Variants in SORL1 observed in about 807,000 individuals in gnomAD.
SORL1 encodes sortilin related receptor 1, also known as sortilin-related receptor.
SORL1 carries 127 observed loss-of-function variants against 273.7 expected under a neutral mutation model. That is an observed-to-expected ratio of 0.46 (90% confidence interval 0.40 to 0.54). The LOEUF is 0.54. Among genes scored for constraint, SORL1 ranks in the 20% least tolerant of loss-of-function variants. The pLI is 0.00. For synonymous variants in SORL1, 1,031 were observed against 1,067.4 expected (o/e 0.97, Z 0.66); for missense variants, 2,494 against 2,846.1 (o/e 0.88, Z 2.81).
At position 121,632,649 on chromosome 11, in the gene SORL1, C is replaced by T; in HGVS notation, c.*3086C>T. 1 of 151,866 alleles carries T rather than the reference C, an allele frequency of 6.6e-6. No homozygotes were observed. Among genetic ancestry groups the T allele is most frequent in the Non-Finnish European group, 1.5e-5 (1 of 68,008 alleles). 9.4% of individuals were successfully genotyped at this position (151,866 alleles called of 1,614,324 possible). On this transcript the variant is annotated 3_prime_UTR_variant, in exon 48 of 48. Coordinates refer to ENST00000260197, the MANE Select transcript of SORL1 (RefSeq NM_003105.6). ...GGAATGTAACCCTTCTCAGAACTGG[C>T]CATTTTCAGGGGAAGCTTGGGAGAG...
chr11:121,541,966 C>T (rs942585267), intron 12 of SORL1, among the ~76,000 whole-genome samples: 3 of 152,156 alleles, frequency 2.0e-5, no homozygotes, highest in African/African-American at 7.2e-5. Context: ...TCTAAGACCA[C>T]GGGAAAGTTG....
At chr11:121,492,362 A>G (rs150089399) in intron 5 of SORL1, among the ~76,000 whole-genome samples, 1 of 152,044 alleles carries the variant, frequency 6.6e-6, no homozygotes, top group South Asian at 2.1e-4. Context: ...CACTGTCTCA[A>G]TAAATAAATA....
Position 121,596,049 on chromosome 11 carries a change from G to T in SORL1, c.4519+277G>T, listed in dbSNP as rs1296687341. ...TGACTAAGATAAATATTTTAAATAGGTTTCATAAGCATGTTTAACTCTTTA... is the reference window on the plus strand; with the variant it reads ...TGACTAAGATAAATATTTTAAATAGTTTTCATAAGCATGTTTAACTCTTTA... On this transcript the variant is annotated intron_variant, in intron 32 of 47. Transcript: ENST00000260197. The surrounding 1 kb of genome is among the most constrained non-coding windows in gnomAD (Gnocchi z 4.3). Among the ~76,000 whole-genome samples, 3 of 152,184 alleles carry T rather than the reference G, an allele frequency of 2.0e-5. No individual in the cohort carries two copies. The East Asian group carries it at 5.8e-4, about 29-fold the overall frequency.
Position 121,563,989 on chromosome 11 carries a change from C to G in SORL1, c.3050-2951C>G, listed in dbSNP as rs907122264. Among the ~76,000 whole-genome samples the G allele has an allele frequency of 6.6e-5, 10 of 152,254 alleles. No homozygotes were observed. The highest frequency in any genetic ancestry group is 3.4e-3 in the Middle Eastern group (1 of 292). On this transcript the variant is annotated intron_variant, in intron 21 of 47. Transcript: ENST00000260197. The surrounding 1 kb of genome is among the most constrained non-coding windows in gnomAD (Gnocchi z 4.2). Reference sequence around the variant, plus strand: ...TGACATTTTTGGCTCCTAAAGTATTCCTGGAGGAATTTTCCAAACAGGAAA... The same window carrying G: ...TGACATTTTTGGCTCCTAAAGTATTGCTGGAGGAATTTTCCAAACAGGAAA...
intron 13 of SORL1, 88 bp downstream of exon 13, chr11:121,543,814 C>A: frequency 1.6e-6 from 2 of 1,251,958 alleles, no homozygotes; most frequent in South Asian, 1.5e-5. Flanking sequence ...ACTGTGTACT[C>A]AGAAGAGCCT....
chr11:121,513,076 C>G lies in SORL1; in HGVS notation c.1013C>G (p.Ala338Gly). Residue 338 changes from alanine to glycine, a missense_variant, in exon 7 of 48, where the codon GCC (alanine) becomes GGC (glycine). Physicochemically the swap from Ala to Gly is moderately conservative, Grantham distance 60 (BLOSUM62 0). Coordinates refer to ENST00000260197, the MANE Select transcript of SORL1 (RefSeq NM_003105.6). ...TTTGGCCGGAAGCCCATGAGAGCAG[C>G]CCAGTTTGTCACAAGACATCCTATT... ...VSFGRKPMRA[A>G]QFVTRHPINE... The G allele has an allele frequency of 1.2e-6, 2 of 1,613,724 alleles. No individual in the cohort carries two copies. Among genetic ancestry groups the G allele is most frequent in the South Asian group, 2.2e-5 (2 of 91,080 alleles).
chr11:121,456,084 G>C (rs1860900093), intron 1 of SORL1, among the ~76,000 whole-genome samples: 2 of 151,728 alleles, frequency 1.3e-5, no homozygotes, highest in African/African-American at 4.8e-5. Context: ...ATGCCACACT[G>C]AATTTCCTCC....
chr11:121,550,689 T>A lies in SORL1; in HGVS notation c.2266+19T>A, dbSNP rs754162610. 1.6e-5 allele frequency: 26 copies of A among 1,596,072 alleles called. No homozygotes were observed. The South Asian group carries it at 2.9e-4, about 18-fold the overall frequency. Reference sequence around the variant, plus strand: ...CTGGCAGGTAAGAGAGGTGGTTTCTTCCCTTTCATTTCTTGAGACATGGTT... The same window carrying A: ...CTGGCAGGTAAGAGAGGTGGTTTCTACCCTTTCATTTCTTGAGACATGGTT... On this transcript the variant is annotated intron_variant, in intron 16 of 47. Coordinates refer to ENST00000260197, the MANE Select transcript of SORL1 (RefSeq NM_003105.6). The surrounding 1 kb of genome is among the most constrained non-coding windows in gnomAD (Gnocchi z 5.3).
chr11:121,607,113 C>T, intron 36 of SORL1, 73 bp from the exon 37 acceptor site: 1 of 1,089,196 alleles, frequency 9.2e-7, no homozygotes, highest in South Asian at 1.3e-5. Context: ...TCTCCTCCAG[C>T]CTCCTTGCAA....
intron 2 of SORL1, among the ~76,000 whole-genome samples, chr11:121,470,774 A>C (rs1430023840): frequency 6.6e-6 from 1 of 152,078 alleles, no homozygotes; most frequent in Non-Finnish European, 1.5e-5. Context: ...TCCTGGGCTC[A>C]AGCCATCCTC....
At chr11:121,500,112 G>T (rs942628637) in intron 6 of SORL1, among the ~76,000 whole-genome samples, 1 of 152,154 alleles carries the variant, frequency 6.6e-6, no homozygotes, top group Non-Finnish European at 1.5e-5. Flanking sequence ...TCTTCATAGT[G>T]TACATCAAAA....
intron 31 of SORL1, among the ~76,000 whole-genome samples, chr11:121,592,093 A>C (rs1863224297): frequency 6.6e-6 from 1 of 152,128 alleles, no homozygotes; most frequent in African/African-American, 2.4e-5. Flanking sequence ...GATTCCTTAC[A>C]TCAGCCAAGC....
In SORL1 at chr11:121,595,783, A is replaced by G. The variant is rs754721089; in HGVS notation, c.4519+11A>G. ...ACGAGGCCAATTGCCGTGAGTAGTC[A>G]GAGAGCCCTTCACCCCCTGGGCACG... On this transcript the variant is annotated intron_variant, in intron 32 of 47. Transcript: ENST00000260197. This position sits in a 1 kb window ranked among gnomAD's most constrained non-coding sequence, Gnocchi z 5.1. 8 of 1,610,410 alleles carry G rather than the reference A, an allele frequency of 5.0e-6. No individual in the cohort carries two copies. The highest frequency in any genetic ancestry group is 6.8e-6 in the Non-Finnish European group (8 of 1,179,768).
chr11:121,616,145 A>G (rs1863636049), intron 41 of SORL1, among the ~76,000 whole-genome samples: 2 of 152,170 alleles, frequency 1.3e-5, no homozygotes, highest in Admixed American at 1.3e-4. Flanking sequence ...CTGGCAGCAC[A>G]TGACCGCCTC....
Position 121,591,094 on chromosome 11 carries a change from G to C in SORL1, c.4307G>C (p.Trp1436Ser). The C allele has an allele frequency of 6.2e-7, 1 of 1,614,228 alleles. No homozygotes were observed. Among genetic ancestry groups the C allele is most frequent in the South Asian group, 1.1e-5 (1 of 91,082 alleles). The change falls in exon 31 of 48, where the codon TGG becomes TCG. Residue 1436 changes from tryptophan to serine, a missense_variant. Around this residue, in one of 3 missense-constraint regions of SORL1, gnomAD observed 1,609 missense variants for 1,816.4 expected, o/e 0.89. Coordinates refer to ENST00000260197, the MANE Select transcript of SORL1 (RefSeq NM_003105.6). Reference protein sequence around the residue: ...CSSGTCVMDTWVCDGYRDCAD... With the variant: ...CSSGTCVMDTSVCDGYRDCAD... ...AGTGGGACCTGCGTGATGGACACCT[G>C]GGTGTGCGACGGGTACCGAGATTGT...
intron 41 of SORL1, among the ~76,000 whole-genome samples, chr11:121,616,896 A>ATG (rs1291854527): frequency 2.0e-5 from 3 of 152,256 alleles, no homozygotes; most frequent in Non-Finnish European, 2.9e-5. Flanking sequence ...GGGAGGCATG[A>ATG]GACATCCATC....
chr11:121,560,919 C>T (rs551632130), intron 21 of SORL1, among the ~76,000 whole-genome samples: 7 of 152,196 alleles, frequency 4.6e-5, no homozygotes, highest in South Asian at 2.1e-4. Flanking sequence ...GCAATTCTGC[C>T]GCTAAATGGA....
At chr11:121,559,494 T>A (rs1179757583) in intron 20 of SORL1, 25 bp from the exon 21 acceptor site, 1 of 1,608,846 alleles carries the variant, frequency 6.2e-7, no homozygotes, top group Admixed American at 1.7e-5. Context: ...AGAGCTGGAC[T>A]AATGGGCAAA....
intron 42 of SORL1, among the ~76,000 whole-genome samples, chr11:121,619,226 A>G (rs1433005168): frequency 1.3e-5 from 2 of 152,194 alleles, no homozygotes; most frequent in Non-Finnish European, 2.9e-5. Context: ...AGAAAGATAC[A>G]TGGTACGTTA....
Sources: gnomAD v4.1 joint callset for allele counts (sites outside exome capture counted in the v4.1 genomes callset) on GRCh38, gnomAD v4.1.1 for gene constraint, gnomAD v4.1.1 regional missense constraint, Gnocchi (gnomAD v3.1) non-coding constraint, MANE v1.5 for transcripts, NCBI Gene and HGNC (gene_info 2026-07-23, HGNC 2026-07-21) for gene names.